Variants in JMJD1C observed in about 807,000 individuals in gnomAD.
JMJD1C encodes jumonji domain containing 1C, also known as jumonji domain-containing protein 1C.
In JMJD1C, 31 loss-of-function variants were observed where a neutral mutation model predicts 245.3. The observed-to-expected ratio is 0.13, with a 90% CI of 0.09 to 0.17. The LOEUF is 0.17. Ranked by LOEUF, JMJD1C falls within the 10% of genes least tolerant of loss-of-function variation. The pLI is 1.00. For synonymous variants in JMJD1C, 1,057 were observed against 1,017.4 expected (o/e 1.04, Z -0.74); for missense variants, 2,691 against 3,000.2 (o/e 0.90, Z 2.41).
chr10:63,175,498 G>T (rs900654761), intron 24 of JMJD1C, among the ~76,000 whole-genome samples: 3 of 152,198 alleles, frequency 2.0e-5, no homozygotes, highest in African/African-American at 7.2e-5. Context: ...CACCTAAGTA[G>T]TATTTGTATG....
chr10:63,179,912 T>G (rs1403987135), intron 22 of JMJD1C, among the ~76,000 whole-genome samples: 2 of 152,240 alleles, frequency 1.3e-5, no homozygotes, highest in African/African-American at 4.8e-5. Context: ...AGCTGTTACC[T>G]GCTACAAAGT....
chr10:63,193,560 T>C, intron 14 of JMJD1C, 88 bp from the exon 15 acceptor site: 1 of 812,920 alleles, frequency 1.2e-6, no homozygotes, highest in African/African-American at 1.8e-5. Context: ...TGTATTATAA[T>C]TGGGAATAAC....
intron 2 of JMJD1C, among the ~76,000 whole-genome samples, chr10:63,326,429 G>A (rs113112594): frequency 7.0e-6 from 1 of 142,772 alleles, no homozygotes; most frequent in African/African-American, 2.7e-5. Context: ...AATAAATAAA[G>A]ATAATAAAAT....
intron 1 of JMJD1C, among the ~76,000 whole-genome samples, chr10:63,444,569 C>T (rs541992319): frequency 3.9e-5 from 6 of 152,122 alleles, no homozygotes; most frequent in African/African-American, 1.2e-4. Context: ...CCTCCGTACC[C>T]GGTGGACATT....
intron 1 of JMJD1C, among the ~76,000 whole-genome samples, chr10:63,397,919 A>C (rs534202624): frequency 4.6e-5 from 7 of 152,366 alleles, no homozygotes; most frequent in Non-Finnish European, 8.8e-5. Context: ...TCAGCAATTT[A>C]GTCTCTTAAT....
chr10:63,384,282 T>C (rs995637070), intron 1 of JMJD1C, among the ~76,000 whole-genome samples: 1 of 152,206 alleles, frequency 6.6e-6, no homozygotes. Context: ...CCATGAATCA[T>C]GAATGTTCTT....
intron 4 of JMJD1C, among the ~76,000 whole-genome samples, 186 bp downstream of exon 4, chr10:63,219,692 C>T (rs544006949): frequency 1.3e-5 from 2 of 152,172 alleles, no homozygotes; most frequent in African/African-American, 4.8e-5. Flanking sequence ...AAAGTTAATA[C>T]ACTTGTGAAA....
At chr10:63,507,753 T>C (rs1954766739) in intron 1 of JMJD1C, among the ~76,000 whole-genome samples, 1 of 152,096 alleles carries the variant, frequency 6.6e-6, no homozygotes, top group Non-Finnish European at 1.5e-5. Flanking sequence ...ATCGGTGTTC[T>C]GAATTTTGGG....
At chr10:63,292,004 G>A (rs1858799106) in intron 2 of JMJD1C, among the ~76,000 whole-genome samples, 2 of 151,844 alleles carry the variant, frequency 1.3e-5, no homozygotes, top group Admixed American at 1.3e-4. Context: ...AGGCTGGAGT[G>A]TCATGGCACG....
chr10:63,200,385 C>G, intron 11 of JMJD1C, 91 bp downstream of exon 11: 1 of 900,040 alleles, frequency 1.1e-6, no homozygotes, highest in Non-Finnish European at 1.8e-6. Flanking sequence ...ACTTACTCCC[C>G]CATCCAAAAG....
At chr10:63,317,413 G>A (rs1940222099) in intron 2 of JMJD1C, among the ~76,000 whole-genome samples, 1 of 152,066 alleles carries the variant, frequency 6.6e-6, no homozygotes, top group Admixed American at 6.5e-5. Flanking sequence ...GCTGAGGCAG[G>A]AGAATCACTT....
intron 2 of JMJD1C, among the ~76,000 whole-genome samples, chr10:63,318,249 T>C (rs1940351970): frequency 1.3e-5 from 2 of 152,146 alleles, no homozygotes; most frequent in African/African-American, 4.8e-5. Context: ...ACTCCTAGAC[T>C]CGAGGAATCC....
intron 2 of JMJD1C, among the ~76,000 whole-genome samples, chr10:63,337,064 C>T (rs552947745): frequency 6.6e-6 from 1 of 152,130 alleles, no homozygotes; most frequent in African/African-American, 2.4e-5. Flanking sequence ...TCGTCTCAAG[C>T]TCCTGACCTC....
chr10:63,185,546 A>C lies in JMJD1C; in HGVS notation c.6830+17T>G. 1 of 1,470,334 alleles carries C rather than the reference A, an allele frequency of 6.8e-7. No homozygotes were observed. The highest frequency in any genetic ancestry group is 2.3e-5 in the East Asian group (1 of 44,262). 91.1% of individuals were successfully genotyped at this position (1,470,334 alleles called of 1,614,324 possible). On this transcript the variant is annotated intron_variant, in intron 20 of 25. Transcript: ENST00000399262. ...TCGATCTCAAAAAGTCAAGAGTCAA[A>C]ATGAAAAGTTTCAAACCTTGCTGGC...
intron 1 of JMJD1C, among the ~76,000 whole-genome samples, chr10:63,397,090 T>C (rs910771705): frequency 6.6e-6 from 1 of 152,146 alleles, no homozygotes; most frequent in African/African-American, 2.4e-5. Context: ...ATTTTTCCTA[T>C]CAAACCCTAT....
chr10:63,417,523 A>G (rs1589708109), intron 1 of JMJD1C, among the ~76,000 whole-genome samples: 2 of 152,310 alleles, frequency 1.3e-5, no homozygotes, highest in African/African-American at 2.4e-5. Context: ...AATGGCCCTC[A>G]TAAAATTAGT....
At chr10:63,427,631 G>T (rs1950518172) in intron 1 of JMJD1C, 8 of 1,358,964 alleles carry the variant, frequency 5.9e-6, no homozygotes, top group Non-Finnish European at 8.4e-6. Flanking sequence ...GAGAAACAGT[G>T]TGTTTACTGT....
chr10:63,210,604 GAC>G (rs1426078647), intron 8 of JMJD1C, among the ~76,000 whole-genome samples: 1 of 152,222 alleles, frequency 6.6e-6, no homozygotes, highest in Admixed American at 6.5e-5. Context: ...TAAGGAAAAA[GAC>G]ACAAATCTGT....
At chr10:63,389,049 T>C (rs189694595) in intron 1 of JMJD1C, among the ~76,000 whole-genome samples, 2 of 152,212 alleles carry the variant, frequency 1.3e-5, no homozygotes, top group African/African-American at 4.8e-5. Flanking sequence ...GGAGACCAGG[T>C]GTGCTGGCTT....
Sources: allele counts gnomAD v4.1 joint callset (sites outside exome capture counted in the v4.1 genomes callset), GRCh38; gene constraint gnomAD v4.1.1; transcripts MANE v1.5; gene names NCBI Gene and HGNC (gene_info 2026-07-23, HGNC 2026-07-21).